Variants in NID2 observed in about 807,000 individuals in gnomAD.
The protein encoded by NID2 is nidogen-2.
NID2 carries 83 observed loss-of-function variants against 145.4 expected under a neutral mutation model. The ratio of observed to expected loss-of-function variants is 0.57; its 90% CI spans 0.48 to 0.69. The LOEUF is 0.69. Among genes scored for constraint, NID2 ranks in the 30% least tolerant of loss-of-function variants. NID2 has a pLI of 0.00. For missense variants in NID2, 1,807 were observed against 1,765.7 expected, an observed-to-expected ratio of 1.02 and a Z score of -0.42; for synonymous variants, 739 against 701.3, an observed-to-expected ratio of 1.05 and a Z score of -0.85.
intron 9 of NID2, among the ~76,000 whole-genome samples, chr14:52,037,264 TTTTTG>T (rs56212003): frequency 6.6e-5 from 10 of 151,366 alleles, no homozygotes; most frequent in Admixed American, 2.0e-4. Context: ...GGCACTGTGT[TTTTTG>T]TTTTGTTTTG....
intron 8 of NID2, among the ~76,000 whole-genome samples, 200 bp downstream of exon 8, chr14:52,040,451 T>C (rs1020419282): frequency 1.3e-5 from 2 of 152,230 alleles, no homozygotes; most frequent in African/African-American, 4.8e-5. Flanking sequence ...GGGATATAGA[T>C]ATTCTTATGT....
chr14:52,033,933 G>A (rs1360882854), intron 9 of NID2, among the ~76,000 whole-genome samples: 1 of 152,114 alleles, frequency 6.6e-6, no homozygotes, highest in Admixed American at 6.5e-5. Context: ...AGCTCACCCA[G>A]GTCACTTACT....
In NID2 at chr14:52,027,180, GGCTGACCT is replaced by G; in HGVS notation, c.2674+13_2674+20del. 3 of 1,460,746 alleles carry G rather than the reference GGCTGACCT, an allele frequency of 2.1e-6. No individual in the cohort carries two copies. In the South Asian group the frequency reaches 4.3e-5, roughly 21 times the overall value. The allele number at this position is 1,460,746 out of a possible 1,614,324, so 90.5% of individuals were successfully genotyped here. On this transcript the variant is annotated intron_variant, in intron 12 of 21. Transcript: ENST00000216286. The stretch of plus-strand genomic sequence containing the variant: ...TCCAAAGCAACTTTCCAGTCATTGA[GGCTGACCT>G]GCAGTTACTCACCAGTGCACTGGTG...
At chr14:52,013,965 G>C (rs1003498689) in intron 16 of NID2, among the ~76,000 whole-genome samples, 2 of 152,216 alleles carry the variant, frequency 1.3e-5, no homozygotes, top group African/African-American at 4.8e-5. Flanking sequence ...CAACCCTGGG[G>C]ACTTAGGGTA....
intron 3 of NID2, among the ~76,000 whole-genome samples, chr14:52,055,800 T>C (rs1442091722): frequency 1.3e-5 from 2 of 152,200 alleles, no homozygotes; most frequent in Non-Finnish European, 2.9e-5. Context: ...CCATGCCTAA[T>C]AAGATAATAA....
chr14:52,024,215 GTATTCAT>G (rs1891500316), intron 12 of NID2, among the ~76,000 whole-genome samples: 1 of 152,128 alleles, frequency 6.6e-6, no homozygotes. Context: ...CTACCTAGTG[GTATTCAT>G]GGTCTTGTGT....
At chr14:52,036,012 A>C (rs1892058642) in intron 9 of NID2, among the ~76,000 whole-genome samples, 1 of 151,852 alleles carries the variant, frequency 6.6e-6, no homozygotes, top group Admixed American at 6.6e-5. Context: ...CCTGGCCTTC[A>C]GTTGAGAAGT....
intron 10 of NID2, 41 bp from the exon 11 acceptor site, chr14:52,028,891 G>A: frequency 6.2e-7 from 1 of 1,608,744 alleles, no homozygotes; most frequent in East Asian, 2.2e-5. Flanking sequence ...CTTAATTCAA[G>A]GGTCCCAGAA....
At chr14:52,067,010 G>T (rs1344323483) in intron 2 of NID2, among the ~76,000 whole-genome samples, 4 of 152,176 alleles carry the variant, frequency 2.6e-5, no homozygotes, top group Non-Finnish European at 5.9e-5. Flanking sequence ...CTTGTAAACT[G>T]GTACCTGGAA....
chr14:52,038,945 G>T lies in NID2; in HGVS notation c.2059C>A (p.Leu687Met). ...VTSTSSRDYS[L>M]TFGAINQTWS... ...GTTTGGTTGATTGCACCAAAAGTCA[G>T]AGAGTAGTCTCTGGAACTTGTAGAG... The change falls in exon 9 of 22, where the codon CTG (leucine) becomes ATG (methionine). Residue 687 changes from leucine (L) to methionine (M), a missense_variant. By Grantham distance (15) the Leu-to-Met change is conservative. Transcript: ENST00000216286. 6.2e-7 allele frequency: 1 copy of T among 1,613,994 alleles called. No individual in the cohort carries two copies. The highest frequency in any genetic ancestry group is 8.5e-7 in the Non-Finnish European group (1 of 1,179,966).
chr14:52,014,359 C>T lies in NID2; in HGVS notation c.3348G>A (p.Gln1116=). 1.2e-6 allele frequency: 2 copies of T among 1,614,254 alleles called. No homozygotes were observed. Among genetic ancestry groups the T allele is most frequent in the Non-Finnish European group, 1.7e-6 (2 of 1,180,040 alleles). Residue 1116 remains glutamine, a synonymous_variant, in exon 16 of 22, where the codon CAG becomes CAA. Coordinates refer to ENST00000216286, the MANE Select transcript of NID2 (RefSeq NM_007361.4). The part of the protein sequence containing the change: ...VGTFLLYTQG[Q]QIGYLPLNGT... ...CATTGAGGGGTAAGTAGCCAATCTG[C>T]TGGCCCTGAGTATAGAGCAGGAAGG...
In NID2 at chr14:52,010,902, A is replaced by T. The variant is rs1329497478; in HGVS notation, c.3696T>A (p.Arg1232=). Residue 1232 remains arginine (R), a synonymous_variant, in exon 18 of 22, where the codon CGT becomes CGA. Coordinates refer to ENST00000216286, the MANE Select transcript of NID2 (RefSeq NM_007361.4). ...CTCGGATTGGATCCACAGCGATGGC[A>T]CGGGGATTCACCAGATCTGTGTAGA... ...VLFYTDLVNP[R]AIAVDPIRGN... 2 of 1,613,454 alleles carry T rather than the reference A, an allele frequency of 1.2e-6. No individual in the cohort carries two copies. Among genetic ancestry groups the T allele is most frequent in the Non-Finnish European group, 1.7e-6 (2 of 1,180,010 alleles).
intron 16 of NID2, among the ~76,000 whole-genome samples, chr14:52,012,341 C>G (rs578075142): frequency 1.3e-5 from 2 of 152,310 alleles, no homozygotes; most frequent in Admixed American, 6.5e-5. Flanking sequence ...CAGTGACTCA[C>G]GCCTGTAATC....
Position 52,038,797 on chromosome 14 carries a change from T to C in NID2, c.2207A>G (p.Glu736Gly). Residue 736 changes from glutamate to glycine, a missense_variant, in exon 9 of 22, where the codon GAA becomes GGA. By Grantham distance (98) the Glu-to-Gly change is moderately conservative. Transcript: ENST00000216286. ...VDRVFALYND[E>G]ERVLRFAVTN... Reference sequence around the variant, plus strand: ...CACAGCAAATCTAAGCACTCTTTCTTCGTCATTATACAAGGCAAAGACCCG... The same window carrying C: ...CACAGCAAATCTAAGCACTCTTTCTCCGTCATTATACAAGGCAAAGACCCG... 6.2e-7 allele frequency: 1 copy of C among 1,610,190 alleles called. No individual in the cohort carries two copies. The highest frequency in any genetic ancestry group is 8.5e-7 in the Non-Finnish European group (1 of 1,178,478).
At chr14:52,011,125 G>T in intron 17 of NID2, 78 bp from the exon 18 acceptor site, 1 of 1,431,732 alleles carries the variant, frequency 7.0e-7, no homozygotes, top group Non-Finnish European at 9.6e-7. Context: ...ACGGTCGGGT[G>T]GGCAGGGGGG....
At chr14:52,035,854 G>GTATATATATATATATATATATATA (rs1222696644) in intron 9 of NID2, among the ~76,000 whole-genome samples, 1 of 36,080 alleles carries the variant, frequency 2.8e-5, no homozygotes, top group African/African-American at 1.1e-4. Flanking sequence ...AAATTTTTTT[G>GTATATATATATATATATATATATA]TGTATATATA....
chr14:52,006,231 A>T, intron 20 of NID2: 1 of 394,972 alleles, frequency 2.5e-6, no homozygotes, highest in Non-Finnish European at 4.7e-6. Context: ...GGGTAGTCTT[A>T]TTCTCTAAAG....
At position 52,054,218 on chromosome 14, in the gene NID2, G is replaced by C. The variant is rs1200769587; in HGVS notation, c.871C>G (p.His291Asp). ...GAACGTCCCAGGGGAACAGAAGAGT[G>C]GGCAGCGGAAAGGTCTCCAACTGCA... ...PAAVGDLSAA[H>D]SSVPLGRSFS... is the part of the protein sequence containing the mutation. Residue 291 changes from histidine (H) to aspartate (D), a missense_variant, in exon 4 of 22, where the codon CAC (histidine) becomes GAC (aspartate). His to Asp is a moderately conservative substitution (Grantham distance 81). Coordinates refer to ENST00000216286, the MANE Select transcript of NID2 (RefSeq NM_007361.4). 1 of 1,614,154 alleles carries C rather than the reference G, an allele frequency of 6.2e-7. No homozygotes were observed. The highest frequency in any genetic ancestry group is 8.5e-7 in the Non-Finnish European group (1 of 1,180,022).
At chr14:52,044,301 G>A (rs1233652369) in intron 5 of NID2, among the ~76,000 whole-genome samples, 2 of 114,308 alleles carry the variant, frequency 1.7e-5, no homozygotes, top group South Asian at 2.8e-4. Flanking sequence ...ACGGAGTCTC[G>A]CTCTGTCGCC....
Sources: gnomAD v4.1 joint callset for allele counts (sites outside exome capture counted in the v4.1 genomes callset) on GRCh38, gnomAD v4.1.1 for gene constraint, MANE v1.5 for transcripts, NCBI Gene and HGNC (gene_info 2026-07-23, HGNC 2026-07-21) for gene names.